The following FGF13 variants were observed in gnomAD, a reference collection of about 807,000 sequenced individuals.
FGF13 encodes fibroblast growth factor homologous factor 2.
In FGF13, 2 loss-of-function variants were observed where a neutral mutation model predicts 19.5. The observed-to-expected ratio is 0.10, with a 90% CI of 0.04 to 0.32. FGF13 has a LOEUF of 0.32. Among genes scored for constraint, FGF13 ranks in the 10% least tolerant of loss-of-function variants. The pLI, the probability that FGF13 is intolerant of heterozygous loss-of-function variation, is 1.00. For missense variants in FGF13, 113 were observed against 192.7 expected, an observed-to-expected ratio of 0.59 and a Z score of 2.45; for synonymous variants, 72 against 76.9, an observed-to-expected ratio of 0.94 and a Z score of 0.33.
intron 1 of FGF13, among the ~76,000 whole-genome samples, chrX:138,719,643 A>T (rs1325763526): frequency 1.8e-5 from 2 of 112,171 alleles, no homozygotes; most frequent in African/African-American, 3.2e-5. Flanking sequence ...ATCTGTTTTT[A>T]GCTACAGGAA....
At chrX:139,189,652 G>C (rs1240975726) in intron 1 of FGF13, among the ~76,000 whole-genome samples, 1 of 111,751 alleles carries the variant, frequency 8.9e-6, no homozygotes, top group Non-Finnish European at 1.9e-5. Context: ...AGACAAAGTA[G>C]AATGGAGGTT....
chrX:138,802,016 C>T (rs1359364890), intron 3 of FGF13, among the ~76,000 whole-genome samples: 1 of 112,554 alleles, frequency 8.9e-6, no homozygotes, highest in Non-Finnish European at 1.9e-5. Flanking sequence ...GCTTGCTGGG[C>T]TCCATGGGAG....
chrX:138,797,975 G>A (rs1423036464), intron 3 of FGF13, among the ~76,000 whole-genome samples: 2 of 111,680 alleles, frequency 1.8e-5, no homozygotes, highest in East Asian at 2.8e-4. Context: ...GAGATGATGA[G>A]GTTTTCTAAA....
intron 3 of FGF13, among the ~76,000 whole-genome samples, chrX:138,841,240 G>A (rs780808387): frequency 1.4e-4 from 15 of 110,872 alleles, no homozygotes; most frequent in Non-Finnish European, 9.4e-5. Context: ...TCTTCTCAAA[G>A]TCCAGAATTA....
At chrX:139,012,597 A>G (rs751198519) in intron 1 of FGF13, among the ~76,000 whole-genome samples, 336 of 111,854 alleles carry the variant, frequency 3.0e-3, no homozygotes, top group Non-Finnish European at 3.8e-3. Context: ...TAAAGTGGGG[A>G]AAGGACACCC....
intron 1 of FGF13, among the ~76,000 whole-genome samples, chrX:139,152,875 T>G (rs1363841545): frequency 9.0e-6 from 1 of 110,652 alleles, no homozygotes; most frequent in Non-Finnish European, 1.9e-5. Context: ...ACTGGGTAAC[T>G]CTTACTCATG....
intron 1 of FGF13, among the ~76,000 whole-genome samples, chrX:139,100,665 C>A (rs1049553674): frequency 9.0e-6 from 1 of 111,713 alleles, no homozygotes; most frequent in Non-Finnish European, 1.9e-5. Context: ...TGATAGGATT[C>A]CTCCACTAGC....
chrX:138,976,711 T>A (rs2091941339), intron 1 of FGF13, among the ~76,000 whole-genome samples: 1 of 84,805 alleles, frequency 1.2e-5, no homozygotes, highest in Admixed American at 1.4e-4. Flanking sequence ...AGAGAAATTT[T>A]AAAATATTTG....
chrX:138,666,229 AAGCCTC>A (rs1308303080), intron 3 of FGF13, among the ~76,000 whole-genome samples: 1 of 111,232 alleles, frequency 9.0e-6, no homozygotes, highest in African/African-American at 3.3e-5. Flanking sequence ...ATTATCTCAT[AAGCCTC>A]ATCAATAAGG....
chrX:138,934,115 A>C (rs1375366445), intron 1 of FGF13, among the ~76,000 whole-genome samples: 2 of 112,248 alleles, frequency 1.8e-5, no homozygotes, highest in African/African-American at 6.5e-5. Flanking sequence ...CAAGAGCTAA[A>C]TCCCAGATTC....
At position 138,625,526 on chromosome X, in the gene FGF13, T is replaced by TAC; in HGVS notation, c.*7323_*7324insGT. On this transcript the variant is annotated 3_prime_UTR_variant, in exon 5 of 5. Coordinates refer to ENST00000315930, the MANE Select transcript of FGF13 (RefSeq NM_004114.5). Reference sequence around the variant, plus strand: ...ATATATATATAATATAATATATATATATATCTTAGCCATATAAAGAGGGAG... The same window carrying TAC: ...ATATATATATAATATAATATATATATACATATCTTAGCCATATAAAGAGGGAG... The TAC allele has an allele frequency of 1.1e-5, 1 of 94,741 alleles. No individual in the cohort carries two copies. The highest frequency in any genetic ancestry group is 1.2e-4 in the Admixed American group (1 of 8,026). The allele number at this position is 94,741 out of a possible 1,213,427, so 7.8% of individuals were successfully genotyped here. A position where few individuals can be genotyped will look rare whatever the true frequency, so the allele number is the denominator to read the frequency against.
intron 1 of FGF13, among the ~76,000 whole-genome samples, chrX:139,029,941 A>G (rs1159555564): frequency 8.9e-6 from 1 of 112,005 alleles, no homozygotes; most frequent in African/African-American, 3.2e-5. Context: ...TTAGTTTTGT[A>G]CACCATACCA....
intron 3 of FGF13, among the ~76,000 whole-genome samples, chrX:138,792,520 T>G (rs1269005358): frequency 8.9e-6 from 1 of 111,868 alleles, no homozygotes; most frequent in African/African-American, 3.3e-5. Flanking sequence ...TTAAAATAAC[T>G]TATCCAAGGC....
At chrX:138,896,624 T>G (rs2091505688) in intron 1 of FGF13, among the ~76,000 whole-genome samples, 1 of 112,302 alleles carries the variant, frequency 8.9e-6, no homozygotes, top group African/African-American at 3.2e-5. Context: ...ATAAACAGGC[T>G]TTGGAGTTAG....
At chrX:138,826,553 A>C (rs1297050031) in intron 3 of FGF13, among the ~76,000 whole-genome samples, 1 of 112,390 alleles carries the variant, frequency 8.9e-6, no homozygotes, top group Non-Finnish European at 1.9e-5. Flanking sequence ...TATATATTCC[A>C]GTTATGAAAG....
At chrX:139,051,383 C>G (rs2124412970) in intron 1 of FGF13, among the ~76,000 whole-genome samples, 1 of 111,571 alleles carries the variant, frequency 9.0e-6, no homozygotes, top group Non-Finnish European at 1.9e-5. Context: ...GATCATTTAG[C>G]CTGGGAGTGC....
intron 1 of FGF13, among the ~76,000 whole-genome samples, chrX:139,097,594 C>T (rs1426371087): frequency 9.0e-6 from 1 of 111,654 alleles, no homozygotes; most frequent in African/African-American, 3.3e-5. Flanking sequence ...AAATAAATTA[C>T]ACTATATGAT....
chrX:138,947,326 G>A (rs1391966579), intron 1 of FGF13, among the ~76,000 whole-genome samples: 3 of 111,206 alleles, frequency 2.7e-5, no homozygotes, highest in Non-Finnish European at 5.7e-5. Flanking sequence ...GATAAAGGAT[G>A]CATGAGGAAA....
intron 1 of FGF13, among the ~76,000 whole-genome samples, chrX:139,135,770 A>G (rs1470281192): frequency 7.2e-5 from 8 of 111,545 alleles, no homozygotes; most frequent in Non-Finnish European, 1.5e-4. Flanking sequence ...AATTCCTAAT[A>G]TTTGGGGGCT....
Sources: allele counts gnomAD v4.1 joint callset (sites outside exome capture counted in the v4.1 genomes callset), GRCh38; gene constraint gnomAD v4.1.1; transcripts MANE v1.5; gene names NCBI Gene and HGNC (gene_info 2026-07-23, HGNC 2026-07-21).